Variants in GALNT13 observed in about 807,000 individuals in gnomAD.
The protein encoded by GALNT13 is UDP-GalNAc:polypeptide N-acetylgalactosaminyltransferase 13.
In GALNT13, 28 loss-of-function variants were observed where a neutral mutation model predicts 64.2. The ratio of observed to expected loss-of-function variants is 0.44; its 90% CI spans 0.32 to 0.60. The LOEUF (loss-of-function observed/expected upper bound fraction) is 0.60. Among genes scored for constraint, GALNT13 ranks in the 20% least tolerant of loss-of-function variants. GALNT13 has a pLI of 0.05. For missense variants in GALNT13, 577 were observed against 669.8 expected, an observed-to-expected ratio of 0.86 and a Z score of 1.53; for synonymous variants, 214 against 224.6, an observed-to-expected ratio of 0.95 and a Z score of 0.42.
the GALNT13 span, among the ~76,000 whole-genome samples, chr2:153,442,372 A>T: frequency 3.4e-3 from 521 of 152,290 alleles, 2 homozygotes; most frequent in African/African-American, 0.012. Context: ...GGATTTTTGC[A>T]TCGATGTACA....
chr2:153,498,021 A>G, the GALNT13 span, among the ~76,000 whole-genome samples: 1 of 152,210 alleles, frequency 6.6e-6, no homozygotes, highest in African/African-American at 2.4e-5. Context: ...GCCAGATACA[A>G]GCAAACCTGC....
At chr2:154,221,149 G>C (rs1478678723) in intron 4 of GALNT13, among the ~76,000 whole-genome samples, 3 of 151,948 alleles carry the variant, frequency 2.0e-5, no homozygotes, top group Non-Finnish European at 4.4e-5. Flanking sequence ...AATTAGTATT[G>C]TCAGTCAATT....
chr2:154,329,582 C>T (rs561623973), intron 9 of GALNT13, among the ~76,000 whole-genome samples: 1 of 152,256 alleles, frequency 6.6e-6, no homozygotes, highest in Non-Finnish European at 1.5e-5. Flanking sequence ...TATACTGCAA[C>T]CCACTTCATA....
intron 11 of GALNT13, among the ~76,000 whole-genome samples, chr2:154,423,957 A>G (rs1379400729): frequency 6.6e-6 from 1 of 152,188 alleles, no homozygotes; most frequent in East Asian, 1.9e-4. Flanking sequence ...TTCCACCCCC[A>G]ACCCTAGACC....
At chr2:154,141,219 C>A (rs1039001493) in intron 4 of GALNT13, among the ~76,000 whole-genome samples, 2 of 151,996 alleles carry the variant, frequency 1.3e-5, no homozygotes, top group African/African-American at 4.8e-5. Context: ...CATTACTGTA[C>A]GCTACTTGTA....
At chr2:153,184,153 A>G in the GALNT13 span, among the ~76,000 whole-genome samples, 2 of 152,092 alleles carry the variant, frequency 1.3e-5, no homozygotes, top group East Asian at 3.9e-4. Flanking sequence ...TCTTTGAGCA[A>G]TGTTGTGTAG....
chr2:153,413,408 T>G, the GALNT13 span, among the ~76,000 whole-genome samples: 1 of 152,184 alleles, frequency 6.6e-6, no homozygotes, highest in African/African-American at 2.4e-5. Flanking sequence ...CCTTGCCTTG[T>G]ACCCCAGTGC....
At chr2:153,763,102 A>AT in the GALNT13 span, among the ~76,000 whole-genome samples, 1 of 152,124 alleles carries the variant, frequency 6.6e-6, no homozygotes, top group East Asian at 1.9e-4. Context: ...TGAAAATTAA[A>AT]TTTTACCTAT....
chr2:153,334,716 T>C, the GALNT13 span, among the ~76,000 whole-genome samples: 3 of 152,214 alleles, frequency 2.0e-5, no homozygotes, highest in Non-Finnish European at 4.4e-5. Context: ...TGACATGTTA[T>C]AAAAATGTGA....
chr2:153,776,683 G>A, the GALNT13 span, among the ~76,000 whole-genome samples: 1 of 152,080 alleles, frequency 6.6e-6, no homozygotes, highest in Non-Finnish European at 1.5e-5. Flanking sequence ...TAAAGTGAAT[G>A]TTTTTTAAAA....
chr2:154,068,353 C>T (rs1700572887), intron 3 of GALNT13, among the ~76,000 whole-genome samples: 1 of 151,828 alleles, frequency 6.6e-6, no homozygotes, highest in African/African-American at 2.4e-5. Flanking sequence ...CCTGCAATCC[C>T]ACTTCTAGGT....
At chr2:153,832,833 T>G in the GALNT13 span, among the ~76,000 whole-genome samples, 3 of 152,196 alleles carry the variant, frequency 2.0e-5, no homozygotes, top group South Asian at 2.1e-4. Flanking sequence ...GTCACAGCTA[T>G]GCAATTCTGA....
the GALNT13 span, among the ~76,000 whole-genome samples, chr2:153,684,495 T>C: frequency 6.6e-6 from 1 of 151,814 alleles, no homozygotes; most frequent in African/African-American, 2.4e-5. Flanking sequence ...GGGAGGTCCA[T>C]TAAGCATTTA....
chr2:153,317,298 T>C, the GALNT13 span, among the ~76,000 whole-genome samples: 2 of 152,150 alleles, frequency 1.3e-5, no homozygotes, highest in Non-Finnish European at 2.9e-5. Flanking sequence ...TATCATTCCC[T>C]AACACCTGCA....
chr2:153,403,006 G>T, the GALNT13 span, among the ~76,000 whole-genome samples: 1 of 151,382 alleles, frequency 6.6e-6, no homozygotes, highest in Non-Finnish European at 1.5e-5. Context: ...GAGGCACTCT[G>T]CTTTTTAGAG....
At chr2:154,345,903 T>A (rs887633307) in intron 9 of GALNT13, among the ~76,000 whole-genome samples, 52 of 152,244 alleles carry the variant, frequency 3.4e-4, no homozygotes, top group African/African-American at 1.2e-3. Flanking sequence ...AGAAAATATT[T>A]GTAGATATTA....
At chr2:154,196,127 A>G (rs1686865422) in intron 4 of GALNT13, among the ~76,000 whole-genome samples, 1 of 152,038 alleles carries the variant, frequency 6.6e-6, no homozygotes, top group African/African-American at 2.4e-5. Flanking sequence ...TTACCTCTTT[A>G]CTTCTGGACA....
the GALNT13 span, among the ~76,000 whole-genome samples, chr2:153,404,951 C>T: frequency 2.0e-5 from 3 of 152,134 alleles, no homozygotes; most frequent in Non-Finnish European, 4.4e-5. Context: ...GGCAAAGCCT[C>T]TGTTGGCTCT....
the GALNT13 span, among the ~76,000 whole-genome samples, chr2:153,812,241 C>A: frequency 1.7e-4 from 26 of 152,256 alleles, no homozygotes; most frequent in African/African-American, 6.3e-4. Flanking sequence ...TAAGATTTAT[C>A]CATGTTTTCT....
Sources: allele counts gnomAD v4.1 joint callset (sites outside exome capture counted in the v4.1 genomes callset), GRCh38; gene constraint gnomAD v4.1.1; transcripts MANE v1.5; gene names NCBI Gene and HGNC (gene_info 2026-07-23, HGNC 2026-07-21).